Variants in SYBU observed in about 807,000 individuals in gnomAD.
SYBU encodes syntabulin, also known as GOLSYN A protein.
SYBU carries 21 observed loss-of-function variants against 35.9 expected under a neutral mutation model. That is an observed-to-expected ratio of 0.58 (90% CI 0.41 to 0.84). The LOEUF (loss-of-function observed/expected upper bound fraction) is 0.84. Ranked by LOEUF, SYBU falls within the 40% of genes least tolerant of loss-of-function variation. The pLI is 0.00. For missense variants in SYBU, 768 were observed against 848.2 expected (o/e 0.91, Z 1.17); for synonymous variants, 319 against 324.3 (o/e 0.98, Z 0.18).
At chr8:109,629,790 A>G (rs71526739) in intron 2 of SYBU, among the ~76,000 whole-genome samples, 15,140 of 151,972 alleles carry the variant, frequency 0.1, 1,012 homozygotes, top group East Asian at 0.36. Context: ...ATTTCTCCAC[A>G]TCCTCTCCAG....
intron 1 of SYBU, among the ~76,000 whole-genome samples, chr8:109,672,613 G>T (rs1245790639): frequency 2.0e-5 from 3 of 152,210 alleles, no homozygotes; most frequent in African/African-American, 7.2e-5. Flanking sequence ...GCTGTTTGGG[G>T]AGACAGCGAG....
intron 2 of SYBU, among the ~76,000 whole-genome samples, chr8:109,620,402 A>G (rs1563731705): frequency 1.3e-5 from 2 of 152,342 alleles, no homozygotes; most frequent in Middle Eastern, 3.4e-3. Context: ...AGCTTGAATA[A>G]AGATAGAAAC....
intron 1 of SYBU, among the ~76,000 whole-genome samples, chr8:109,672,396 T>C (rs1326681190): frequency 2.0e-5 from 3 of 151,950 alleles, no homozygotes; most frequent in African/African-American, 7.3e-5. Flanking sequence ...TAAAGCAAGG[T>C]GGAGCATTGC....
chr8:109,671,451 T>C (rs1052192319), intron 1 of SYBU, among the ~76,000 whole-genome samples: 3 of 152,220 alleles, frequency 2.0e-5, no homozygotes, highest in Non-Finnish European at 2.9e-5. Context: ...GGGAAGCTCA[T>C]TGAGGATGGC....
intron 1 of SYBU, among the ~76,000 whole-genome samples, chr8:109,652,693 A>G (rs189556386): frequency 6.6e-6 from 1 of 152,338 alleles, no homozygotes. Context: ...ATAAGGGTTA[A>G]TAATGCCTTT....
chr8:109,594,429 A>T (rs898856567), intron 3 of SYBU, among the ~76,000 whole-genome samples: 2 of 152,134 alleles, frequency 1.3e-5, no homozygotes, highest in African/African-American at 4.8e-5. Context: ...ATGGAATAAA[A>T]CACCCACTTA....
At chr8:109,577,146 T>G (rs1349201728) in intron 6 of SYBU, among the ~76,000 whole-genome samples, 1 of 152,194 alleles carries the variant, frequency 6.6e-6, no homozygotes, top group East Asian at 1.9e-4. Context: ...TCTTTATATC[T>G]TTGTGGCAGC....
At chr8:109,646,375 A>G (rs182187979), upstream of SYBU, 1 of 152,332 alleles carries the variant, frequency 6.6e-6, no homozygotes, top group Admixed American at 6.5e-5. Flanking sequence ...GTGAGTCTAG[A>G]GAGAGCCTGA....
chr8:109,670,519 GAATTTCTAAAT>G (rs1298647278), intron 1 of SYBU, among the ~76,000 whole-genome samples: 1 of 151,644 alleles, frequency 6.6e-6, no homozygotes, highest in African/African-American at 2.4e-5. Context: ...CTAGCTCATT[GAATTTCTAAAT>G]ACCTCCTGAC....
intron 1 of SYBU, among the ~76,000 whole-genome samples, chr8:109,670,384 A>G (rs1379366650): frequency 6.6e-6 from 1 of 151,742 alleles, no homozygotes; most frequent in Non-Finnish European, 1.5e-5. Flanking sequence ...TCTAAAAAAA[A>G]ATAAAAAAAT....
chr8:109,577,122 A>AC (rs1822415969), intron 6 of SYBU, among the ~76,000 whole-genome samples: 1 of 152,124 alleles, frequency 6.6e-6, no homozygotes, highest in Non-Finnish European at 1.5e-5. Flanking sequence ...TTTAGCAACC[A>AC]AGGTATTGAG....
At chr8:109,645,634 T>G (rs887602016), upstream of SYBU, 7 of 164,922 alleles carry the variant, frequency 4.2e-5, no homozygotes, top group Admixed American at 4.6e-4. Context: ...TCGTTTTTTG[T>G]TTTTTTTTTT....
intron 2 of SYBU, among the ~76,000 whole-genome samples, chr8:109,622,585 T>G (rs1446459764): frequency 1.3e-5 from 2 of 152,194 alleles, no homozygotes; most frequent in African/African-American, 4.8e-5. Flanking sequence ...GTTCTTTGGT[T>G]GTTTATATCT....
intron 1 of SYBU, among the ~76,000 whole-genome samples, chr8:109,664,737 A>C (rs1438531660): frequency 6.6e-6 from 1 of 152,188 alleles, no homozygotes; most frequent in East Asian, 1.9e-4. Context: ...CCAAACAGGG[A>C]ACACTGTGAC....
At position 109,575,483 on chromosome 8, in the gene SYBU, G is replaced by C; in HGVS notation, c.1415C>G (p.Pro472Arg). 6.2e-7 allele frequency: 1 copy of C among 1,614,114 alleles called. No homozygotes were observed. The highest frequency in any genetic ancestry group is 1.1e-5 in the South Asian group (1 of 91,070). Reference protein sequence around the residue: ...TPGANVLELLPIVMGQEEGSV... With the variant: ...TPGANVLELLRIVMGQEEGSV... ...GCCCTCCTCCTGACCCATGACTATG[G>C]GCAGCAGCTCCAGGACGTTAGCCCC... The change falls in exon 7 of 7, where the codon CCC (proline) becomes CGC (arginine). Residue 472 changes from proline (P) to arginine (R), a missense_variant. Pro to Arg is a moderately radical substitution (Grantham distance 103). Coordinates refer to ENST00000276646, the MANE Select transcript of SYBU (RefSeq NM_001099754.2).
intron 3 of SYBU, among the ~76,000 whole-genome samples, chr8:109,604,958 C>T (rs995910452): frequency 1.3e-5 from 2 of 152,170 alleles, no homozygotes; most frequent in African/African-American, 4.8e-5. Flanking sequence ...TACAAGAAGC[C>T]AAACACTCAG....
At chr8:109,671,421 CTT>C (rs1183869045) in intron 1 of SYBU, among the ~76,000 whole-genome samples, 1 of 152,090 alleles carries the variant, frequency 6.6e-6, no homozygotes, top group Non-Finnish European at 1.5e-5. Flanking sequence ...CTCAAAGAGC[CTT>C]TTTCAGTGGG....
chr8:109,608,119 A>G (rs1826256363), intron 3 of SYBU: 3 of 554,460 alleles, frequency 5.4e-6, no homozygotes, highest in Non-Finnish European at 9.3e-6. Flanking sequence ...TAGCAACAGG[A>G]GGCAGAGGGA....
At chr8:109,667,827 A>G (rs535925231) in intron 1 of SYBU, among the ~76,000 whole-genome samples, 1 of 152,278 alleles carries the variant, frequency 6.6e-6, no homozygotes, top group South Asian at 2.1e-4. Flanking sequence ...CCAGATTTTA[A>G]AAACCTTAGC....
Sources: gnomAD v4.1 joint callset for allele counts (sites outside exome capture counted in the v4.1 genomes callset) on GRCh38, gnomAD v4.1.1 for gene constraint, MANE v1.5 for transcripts, NCBI Gene and HGNC (gene_info 2026-07-23, HGNC 2026-07-21) for gene names.